ABCC5: variants seen among roughly 807,000 people sequenced by gnomAD.
The protein encoded by ABCC5 is ATP binding cassette subfamily C member 5, also known as ATP-binding cassette sub-family C member 5.
In ABCC5, 61 loss-of-function variants were observed where a neutral mutation model predicts 160.9. The ratio of observed to expected loss-of-function variants is 0.38; its 90% CI spans 0.31 to 0.47. ABCC5 has a LOEUF of 0.47. Ranked by LOEUF, ABCC5 falls within the 20% of genes least tolerant of loss-of-function variation. The pLI is 0.99. For synonymous variants in ABCC5, 666 were observed against 700.6 expected, an observed-to-expected ratio of 0.95 and a Z score of 0.78; for missense variants, 1,308 against 1,813.3, an observed-to-expected ratio of 0.72 and a Z score of 5.06.
At chr3:184,008,858 C>G (rs536539019) in intron 2 of ABCC5, among the ~76,000 whole-genome samples, 1 of 151,158 alleles carries the variant, frequency 6.6e-6, no homozygotes, top group African/African-American at 2.5e-5. Context: ...TTCTTTCTTT[C>G]TTTATTTTTT....
intron 2 of ABCC5, among the ~76,000 whole-genome samples, chr3:184,013,096 C>T (rs1008439695): frequency 2.0e-5 from 3 of 152,046 alleles, no homozygotes; most frequent in East Asian, 1.9e-4. Context: ...AATATTTTCT[C>T]GAGGTAAAAA....
At chr3:183,985,548 C>T (rs763932159) in intron 5 of ABCC5, 20 of 740,314 alleles carry the variant, frequency 2.7e-5, no homozygotes, top group African/African-American at 1.0e-4. Context: ...GCAGAGTTAG[C>T]ATTCACCAAG....
intron 2 of ABCC5, among the ~76,000 whole-genome samples, chr3:184,001,600 G>A (rs1269196346): frequency 6.6e-6 from 1 of 152,142 alleles, no homozygotes; most frequent in Non-Finnish European, 1.5e-5. Flanking sequence ...AAAGTCCAGG[G>A]ATGCTGCTGA....
At chr3:183,979,979 G>A (rs1018559718) in intron 8 of ABCC5, among the ~76,000 whole-genome samples, 3 of 152,076 alleles carry the variant, frequency 2.0e-5, no homozygotes, top group Non-Finnish European at 2.9e-5. Context: ...GGGTTCAAGT[G>A]ATCCTCCTGC....
At chr3:183,992,130 G>A (rs1302255380) in intron 2 of ABCC5, among the ~76,000 whole-genome samples, 3 of 152,162 alleles carry the variant, frequency 2.0e-5, no homozygotes. Context: ...ACCACTTTAG[G>A]ATTTAATTAG....
At chr3:183,930,574 T>C (rs1192880353) in intron 26 of ABCC5, among the ~76,000 whole-genome samples, 1 of 152,242 alleles carries the variant, frequency 6.6e-6, no homozygotes, top group African/African-American at 2.4e-5. Context: ...TAATCCCATA[T>C]GACTGGTCCT....
At chr3:183,979,445 T>C (rs577896096) in intron 8 of ABCC5, among the ~76,000 whole-genome samples, 3 of 152,008 alleles carry the variant, frequency 2.0e-5, no homozygotes, top group African/African-American at 7.2e-5. Flanking sequence ...AAAAATGCAG[T>C]AATGACAACC....
chr3:183,977,656 T>G lies in ABCC5; in HGVS notation c.1297-32A>C, dbSNP rs200531405. ...ATAGGAGAAGAGAAGAAACTGTGCC[T>G]AATGATGCTATGCAACTGAAGTAAC... On this transcript the variant is annotated intron_variant, in intron 9 of 29. Transcript: ENST00000334444. The G allele has an allele frequency of 1.4e-5, 22 of 1,522,254 alleles. No homozygotes were observed. The East Asian group carries it at 5.0e-4, about 34-fold the overall frequency. 94.3% of individuals were successfully genotyped at this position (1,522,254 alleles called of 1,614,324 possible).
intron 26 of ABCC5, among the ~76,000 whole-genome samples, chr3:183,934,034 G>A (rs568854485): frequency 5.9e-5 from 9 of 152,270 alleles, no homozygotes; most frequent in African/African-American, 1.4e-4. Context: ...GGCTGGGCGC[G>A]GTGGCTCACA....
At chr3:184,003,957 A>T (rs536705562) in intron 2 of ABCC5, among the ~76,000 whole-genome samples, 1 of 152,314 alleles carries the variant, frequency 6.6e-6, no homozygotes, top group Non-Finnish European at 1.5e-5. Flanking sequence ...ACTTTATTCC[A>T]TGAGATCTAG....
At chr3:183,957,862 T>G (rs533446958) in intron 17 of ABCC5, among the ~76,000 whole-genome samples, 5 of 137,950 alleles carry the variant, frequency 3.6e-5, no homozygotes, top group Non-Finnish European at 6.5e-5. Context: ...GTATATCACA[T>G]CTGTTACATG....
At chr3:183,930,061 T>C (rs1045453417) in intron 26 of ABCC5, among the ~76,000 whole-genome samples, 1 of 152,218 alleles carries the variant, frequency 6.6e-6, no homozygotes, top group Admixed American at 6.5e-5. Flanking sequence ...CACATAACAT[T>C]TGGAGGTCTA....
intron 17 of ABCC5, among the ~76,000 whole-genome samples, chr3:183,957,607 C>T (rs530688302): frequency 4.7e-4 from 72 of 152,014 alleles, no homozygotes; most frequent in African/African-American, 1.5e-3. Context: ...TACATCACAT[C>T]GGTTACATGC....
At position 183,944,385 on chromosome 3, in the gene ABCC5, CCT is replaced by C. The variant is rs1483435169; in HGVS notation, c.3504+1463_3504+1464del. Among the ~76,000 whole-genome samples the C allele has an allele frequency of 2.0e-5, 3 of 150,304 alleles. No individual in the cohort carries two copies. The East Asian group carries it at 5.8e-4, about 29-fold the overall frequency. On this transcript the variant is annotated intron_variant, in intron 24 of 29. Coordinates refer to ENST00000334444, the MANE Select transcript of ABCC5 (RefSeq NM_005688.4). ...ACTCAAGCCTGGGTGACAATAAGAC[CCT>C]CTCTCAAAAAAAATAAAAAAATAAA...
At chr3:183,938,105 C>T (rs770017218) in intron 25 of ABCC5, 45 bp from the exon 26 acceptor site, 2 of 1,599,340 alleles carry the variant, frequency 1.3e-6, no homozygotes, top group Non-Finnish European at 1.7e-6. Flanking sequence ...TTAGCAAAGT[C>T]TGTGAGGACA....
Position 183,949,681 on chromosome 3 carries a change from G to A in ABCC5, c.3227+72C>T, listed in dbSNP as rs1207033860. 3.9e-6 allele frequency: 6 copies of A among 1,555,052 alleles called. No individual in the cohort carries two copies. The South Asian group carries it at 4.8e-5, about 13-fold the overall frequency. ...TAATCCCCATCTCTGGCCTTGAAGA[G>A]CCTCCCGGACAAGTATCAAACGCTG... On this transcript the variant is annotated intron_variant, in intron 22 of 29. Coordinates refer to ENST00000334444, the MANE Select transcript of ABCC5 (RefSeq NM_005688.4). The surrounding 1 kb of genome is among the most constrained non-coding windows in gnomAD (Gnocchi z 4.2).
intron 2 of ABCC5, among the ~76,000 whole-genome samples, chr3:183,999,047 G>A (rs1424499082): frequency 2.7e-5 from 4 of 150,480 alleles, no homozygotes; most frequent in Non-Finnish European, 4.4e-5. Context: ...CTGAGATCGC[G>A]CCACTGAACC....
chr3:183,978,352 G>T, intron 9 of ABCC5, 151 bp downstream of exon 9: 1 of 763,238 alleles, frequency 1.3e-6, no homozygotes, highest in Non-Finnish European at 2.0e-6. Context: ...GTTTTGAGAT[G>T]GAGTCTTGCT....
At chr3:184,002,242 T>C (rs754965662) in intron 2 of ABCC5, among the ~76,000 whole-genome samples, 1 of 151,536 alleles carries the variant, frequency 6.6e-6, no homozygotes, top group Admixed American at 6.6e-5. Context: ...CTACTAAAAA[T>C]ACAAAAATAA....
Sources: gnomAD v4.1 joint callset for allele counts (sites outside exome capture counted in the v4.1 genomes callset) on GRCh38, gnomAD v4.1.1 for gene constraint, Gnocchi (gnomAD v3.1) non-coding constraint, MANE v1.5 for transcripts, NCBI Gene and HGNC (gene_info 2026-07-23, HGNC 2026-07-21) for gene names.